The following DUSP16 variants were observed in gnomAD, a reference collection of about 807,000 sequenced individuals.
DUSP16 encodes dual specificity protein phosphatase 16.
In DUSP16, 21 loss-of-function variants were observed where a neutral mutation model predicts 58.3. The observed-to-expected ratio is 0.36, with a 90% confidence interval of 0.26 to 0.52. The LOEUF (loss-of-function observed/expected upper bound fraction) is 0.52, where lower values mean the gene tolerates loss of function less well. Ranked by LOEUF, DUSP16 falls within the 20% of genes least tolerant of loss-of-function variation. The pLI is 0.94. For missense variants in DUSP16, 726 were observed against 819.0 expected (o/e 0.89, Z 1.39); for synonymous variants, 320 against 323.8 (o/e 0.99, Z 0.12).
intron 3 of DUSP16, among the ~76,000 whole-genome samples, chr12:12,510,325 G>A (rs1944058483): frequency 6.6e-6 from 1 of 152,188 alleles, no homozygotes; most frequent in Non-Finnish European, 1.5e-5. Context: ...CAAGTCTAGT[G>A]TCTGGAGAAT....
intron 4 of DUSP16, 134 bp from the exon 5 acceptor site, chr12:12,487,321 C>T: frequency 1.0e-6 from 1 of 997,992 alleles, no homozygotes. Flanking sequence ...TCAGTGAAGT[C>T]CAAAAACCTA....
At chr12:12,483,346 T>C (rs2136192787) in intron 5 of DUSP16, among the ~76,000 whole-genome samples, 1 of 152,348 alleles carries the variant, frequency 6.6e-6, no homozygotes, top group Middle Eastern at 3.4e-3. Flanking sequence ...AGGTGTTCAA[T>C]GGACATTATC....
intron 1 of DUSP16, among the ~76,000 whole-genome samples, chr12:12,524,958 C>A (rs140207389): frequency 6.6e-6 from 1 of 152,306 alleles, no homozygotes; most frequent in East Asian, 1.9e-4. Context: ...CATAATCCTT[C>A]TTCTACCATT....
intron 1 of DUSP16, among the ~76,000 whole-genome samples, chr12:12,526,432 C>T (rs909364011): frequency 6.6e-6 from 1 of 152,252 alleles, no homozygotes; most frequent in Admixed American, 6.5e-5. Flanking sequence ...TGCACAAATA[C>T]GGTGTATCAA....
chr12:12,531,494 G>T (rs922572332), intron 1 of DUSP16, among the ~76,000 whole-genome samples: 7 of 152,046 alleles, frequency 4.6e-5, no homozygotes, highest in Admixed American at 2.0e-4. Context: ...AAAGTGTGTT[G>T]TATCTACTAA....
intron 1 of DUSP16, among the ~76,000 whole-genome samples, chr12:12,531,620 A>T (rs993410096): frequency 6.6e-6 from 1 of 152,252 alleles, no homozygotes; most frequent in Non-Finnish European, 1.5e-5. Context: ...TCTCCTTTAA[A>T]CTACTTTTGG....
At chr12:12,488,074 T>C (rs1265093037) in intron 4 of DUSP16, among the ~76,000 whole-genome samples, 1 of 152,234 alleles carries the variant, frequency 6.6e-6, no homozygotes, top group East Asian at 1.9e-4. Flanking sequence ...TAGAGGAATC[T>C]TTGTTATGAT....
chr12:12,547,467 AAAAAG>A (rs1254502876), intron 1 of DUSP16, among the ~76,000 whole-genome samples: 1 of 150,842 alleles, frequency 6.6e-6, no homozygotes, highest in Non-Finnish European at 1.5e-5. Flanking sequence ...CAAAAAAAAA[AAAAAG>A]AAAATACATT....
At chr12:12,484,950 T>C (rs1238431388) in intron 5 of DUSP16, among the ~76,000 whole-genome samples, 1 of 151,476 alleles carries the variant, frequency 6.6e-6, no homozygotes, top group Non-Finnish European at 1.5e-5. Flanking sequence ...AATGATTTGC[T>C]GAATGTTTTT....
chr12:12,547,284 C>T (rs1944654660), intron 1 of DUSP16, among the ~76,000 whole-genome samples: 1 of 151,678 alleles, frequency 6.6e-6, no homozygotes, highest in Non-Finnish European at 1.5e-5. Context: ...CAAAAATTAG[C>T]CGGGCGTGGT....
At chr12:12,502,512 G>A (rs1202593181) in intron 3 of DUSP16, among the ~76,000 whole-genome samples, 1 of 151,480 alleles carries the variant, frequency 6.6e-6, no homozygotes, top group Non-Finnish European at 1.5e-5. Flanking sequence ...TGTGTCACAG[G>A]CCCTCAGGAT....
intron 1 of DUSP16, among the ~76,000 whole-genome samples, chr12:12,553,213 A>G (rs565079960): frequency 2.6e-5 from 4 of 152,340 alleles, no homozygotes; most frequent in Non-Finnish European, 4.4e-5. Context: ...TTAAGAGTAT[A>G]AATGTGTCCT....
In DUSP16 at chr12:12,474,199, A is replaced by G. The variant is rs1258804851; in HGVS notation, c.*2634T>C. 1 of 152,260 alleles carries G rather than the reference A, an allele frequency of 6.6e-6. No individual in the cohort carries two copies. Among genetic ancestry groups the G allele is most frequent in the Non-Finnish European group, 1.5e-5 (1 of 68,046 alleles). 9.4% of individuals were successfully genotyped at this position (152,260 alleles called of 1,614,324 possible). ...GTGTTCCCACCGAGTTTATGGCTGC[A>G]AAGATAGGTCTTTTCTCGTATTTAT... On this transcript the variant is annotated 3_prime_UTR_variant, in exon 7 of 7. Transcript: ENST00000298573.
At chr12:12,486,477 T>TTA (rs1436100693) in intron 5 of DUSP16, among the ~76,000 whole-genome samples, 1 of 113,846 alleles carries the variant, frequency 8.8e-6, no homozygotes, top group East Asian at 2.9e-4. Context: ...AATAACCAAA[T>TTA]GAGAGTGTGT....
At chr12:12,491,450 C>A (rs187956598) in intron 4 of DUSP16, 153 of 152,124 alleles carry the variant, frequency 1.0e-3, no homozygotes, top group African/African-American at 3.6e-3. Flanking sequence ...TTTATAGATA[C>A]GTATCAATGA....
At chr12:12,549,670 AT>A (rs1261539287) in intron 1 of DUSP16, among the ~76,000 whole-genome samples, 1 of 152,034 alleles carries the variant, frequency 6.6e-6, no homozygotes, top group Non-Finnish European at 1.5e-5. Flanking sequence ...CATCTCTCCC[AT>A]TCTGTCATTC....
Position 12,520,035 on chromosome 12 carries a change from G to A in DUSP16, c.229-35C>T, listed in dbSNP as rs773982660. 2.5e-6 allele frequency: 4 copies of A among 1,612,456 alleles called. No homozygotes were observed. In the South Asian group the frequency reaches 4.4e-5, roughly 18 times the overall value. On this transcript the variant is annotated intron_variant, in intron 2 of 6. Coordinates refer to ENST00000298573, the MANE Select transcript of DUSP16 (RefSeq NM_030640.3). ...AAACATGAGGCTTGTTAGGAAGAAG[G>A]TGAGAAAAGTAATCTCAAACTACTG...
chr12:12,536,683 C>T (rs931514736), intron 1 of DUSP16, among the ~76,000 whole-genome samples: 15 of 151,568 alleles, frequency 9.9e-5, no homozygotes, highest in African/African-American at 3.6e-4. Context: ...AGGCAGAGGT[C>T]GCAGTGAGCC....
intron 4 of DUSP16, among the ~76,000 whole-genome samples, chr12:12,492,120 T>C (rs1240986596): frequency 6.6e-6 from 1 of 152,212 alleles, no homozygotes; most frequent in African/African-American, 2.4e-5. Flanking sequence ...CCACTGAACA[T>C]GGCCAGAGAA....
Sources: gnomAD v4.1 joint callset for allele counts (sites outside exome capture counted in the v4.1 genomes callset) on GRCh38, gnomAD v4.1.1 for gene constraint, MANE v1.5 for transcripts, NCBI Gene and HGNC (gene_info 2026-07-23, HGNC 2026-07-21) for gene names.